The following LIMS1 variants were observed in gnomAD, a reference collection of about 807,000 sequenced individuals.
The protein encoded by LIMS1 is LIM and senescent cell antigen-like-containing domain protein 1.
A neutral mutation model predicts 44.1 loss-of-function variants in LIMS1; 18 were observed. The observed-to-expected ratio is 0.41, with a 90% CI of 0.28 to 0.61. The LOEUF is 0.61. Among genes scored for constraint, LIMS1 ranks in the 20% least tolerant of loss-of-function variants. LIMS1 has a pLI of 0.32. For missense variants in LIMS1, 201 were observed against 422.0 expected, an observed-to-expected ratio of 0.48 and a Z score of 4.59; for synonymous variants, 93 against 149.1, an observed-to-expected ratio of 0.62 and a Z score of 2.74.
rs1210458140 is a variant in LIMS1 at position 108,617,515 on chromosome 2, ACT to A, written c.33-42087_33-42086del. ...CATGCAGAAATGAAAAAGCTTCAAA[ACT>A]CTGGAGATTTCTTCTCAAACATGAC... On this transcript the variant is annotated intron_variant, in intron 1 of 9. Transcript: ENST00000544547. Among the ~76,000 whole-genome samples, 3 of 152,158 alleles carry A rather than the reference ACT, an allele frequency of 2.0e-5. No homozygotes were observed. The East Asian group carries it at 5.8e-4, about 29-fold the overall frequency.
chr2:108,636,664 C>T (rs1689273567), intron 1 of LIMS1, among the ~76,000 whole-genome samples: 1 of 152,190 alleles, frequency 6.6e-6, no homozygotes, highest in Admixed American at 6.5e-5. Context: ...GGGTAATTGC[C>T]ATATTTTTAT....
chr2:108,664,163 C>G (rs1379027056), intron 2 of LIMS1, among the ~76,000 whole-genome samples: 4 of 146,610 alleles, frequency 2.7e-5, no homozygotes, highest in Admixed American at 1.4e-4. Flanking sequence ...AATGGAAGAC[C>G]CTTCCAACCA....
At chr2:108,642,770 A>G (rs1689791138) in intron 1 of LIMS1, among the ~76,000 whole-genome samples, 1 of 152,168 alleles carries the variant, frequency 6.6e-6, no homozygotes, top group Admixed American at 6.5e-5. Flanking sequence ...AATTTTTTGC[A>G]TGATATCTCC....
intron 1 of LIMS1, among the ~76,000 whole-genome samples, chr2:108,542,564 T>C (rs1469190306): frequency 1.3e-5 from 2 of 152,194 alleles, no homozygotes; most frequent in Admixed American, 6.5e-5. Flanking sequence ...CACAGCTCGC[T>C]AATTGTTTTT....
intron 1 of LIMS1, among the ~76,000 whole-genome samples, chr2:108,570,264 C>G (rs1405245611): frequency 6.6e-6 from 1 of 152,052 alleles, no homozygotes; most frequent in African/African-American, 2.4e-5. Flanking sequence ...AACCCCATCT[C>G]TATTAAAAAT....
In LIMS1 at chr2:108,602,325, A is replaced by G. The variant is rs929759696; in HGVS notation, c.33-57280A>G. Among the ~76,000 whole-genome samples the G allele has an allele frequency of 3.3e-5, 5 of 152,324 alleles. No individual in the cohort carries two copies. In the East Asian group the frequency reaches 9.6e-4, roughly 29 times the overall value. ...GATTGCCCTAGCTAGCACTTCCAGT[A>G]CTGTGTTGATAACAGTGGTGAAAGT... On this transcript the variant is annotated intron_variant, in intron 1 of 9. Coordinates refer to ENST00000544547, the Ensembl canonical transcript of LIMS1.
At chr2:108,545,120 A>G (rs987111204) in intron 1 of LIMS1, among the ~76,000 whole-genome samples, 2 of 152,194 alleles carry the variant, frequency 1.3e-5, no homozygotes, top group African/African-American at 2.4e-5. Context: ...ACATATAAGT[A>G]TACCTTTCAT....
intron 1 of LIMS1, among the ~76,000 whole-genome samples, chr2:108,580,753 G>A (rs562817830): frequency 6.6e-6 from 1 of 152,320 alleles, no homozygotes; most frequent in East Asian, 1.9e-4. Context: ...CAGGTTTCTC[G>A]CTTGGACTAG....
chr2:108,657,388 T>C (rs1191367308), intron 1 of LIMS1, among the ~76,000 whole-genome samples: 1 of 152,312 alleles, frequency 6.6e-6, no homozygotes, highest in Non-Finnish European at 1.5e-5. Context: ...GAGCCATATA[T>C]ATGAGCAGCA....
chr2:108,598,478 T>G (rs1208523365), intron 1 of LIMS1, among the ~76,000 whole-genome samples: 1 of 152,228 alleles, frequency 6.6e-6, no homozygotes, highest in African/African-American at 2.4e-5. Context: ...GCCGGATGGT[T>G]AGCTTTGCAG....
chr2:108,568,599 A>G (rs935609697), intron 1 of LIMS1, among the ~76,000 whole-genome samples: 13 of 152,348 alleles, frequency 8.5e-5, no homozygotes, highest in Admixed American at 3.9e-4. Context: ...TTGAAGAACC[A>G]CCTTACTGTT....
chr2:108,621,501 TA>T, intron 1 of LIMS1: 1 of 1,415,542 alleles, frequency 7.1e-7, no homozygotes, highest in Non-Finnish European at 9.8e-7. Flanking sequence ...TCAAGACATC[TA>T]ATCTAGTAAG....
At chr2:108,607,145 G>T in intron 1 of LIMS1, 1 of 1,441,464 alleles carries the variant, frequency 6.9e-7, no homozygotes, top group Non-Finnish European at 9.5e-7. Context: ...GAGCCTGCTT[G>T]CCCCTTCCTG....
At position 108,652,963 on chromosome 2, in the gene LIMS1, G is replaced by C. The variant is rs138834455; in HGVS notation, c.33-6642G>C. Among the ~76,000 whole-genome samples the C allele has an allele frequency of 9.5e-3, 1,439 of 152,188 alleles. 6 individuals carry two copies. Among genetic ancestry groups the C allele is most frequent in the Non-Finnish European group, 0.016 (1,059 of 68,008 alleles). ...TTAGGAAATATAGATAAATTGAAAG[G>C]AAAAATTTTAAACCATGAGGTTGTT... On this transcript the variant is annotated intron_variant, in intron 1 of 9. Transcript: ENST00000544547.
chr2:108,555,129 C>T (rs1684880987), intron 1 of LIMS1, among the ~76,000 whole-genome samples: 2 of 152,272 alleles, frequency 1.3e-5, no homozygotes, highest in East Asian at 1.9e-4. Context: ...ATGGTTTTCC[C>T]GTGGTGACTG....
At chr2:108,544,517 G>A (rs1010741283) in intron 1 of LIMS1, among the ~76,000 whole-genome samples, 2 of 151,986 alleles carry the variant, frequency 1.3e-5, no homozygotes, top group Non-Finnish European at 2.9e-5. Flanking sequence ...TATTTTTGAG[G>A]CGATGTTTTT....
intron 1 of LIMS1, among the ~76,000 whole-genome samples, chr2:108,572,384 T>TTA (rs1433544451): frequency 6.8e-6 from 1 of 147,660 alleles, no homozygotes; most frequent in Admixed American, 6.8e-5. Context: ...CTCTTGCTTT[T>TTA]TTTTTTTTTT....
intron 1 of LIMS1, among the ~76,000 whole-genome samples, chr2:108,599,025 T>G (rs1022175757): frequency 1.3e-5 from 2 of 152,104 alleles, no homozygotes; most frequent in African/African-American, 4.8e-5. Flanking sequence ...ATTCTTTATG[T>G]TACAAACAAT....
chr2:108,645,250 G>C (rs1689978601), intron 1 of LIMS1, among the ~76,000 whole-genome samples: 1 of 152,156 alleles, frequency 6.6e-6, no homozygotes, highest in Non-Finnish European at 1.5e-5. Flanking sequence ...AGAGAGAAAG[G>C]TTGGGTTACC....
Sources: gnomAD v4.1 joint callset for allele counts (sites outside exome capture counted in the v4.1 genomes callset) on GRCh38, gnomAD v4.1.1 for gene constraint, MANE v1.5 for transcripts, NCBI Gene and HGNC (gene_info 2026-07-23, HGNC 2026-07-21) for gene names.